ZNF385D: variants seen among roughly 807,000 people sequenced by gnomAD.
The protein encoded by ZNF385D is zinc finger protein 659.
In ZNF385D, 15 loss-of-function variants were observed where a neutral mutation model predicts 35.8. The ratio of observed to expected loss-of-function variants is 0.42; its 90% CI spans 0.28 to 0.64. The LOEUF is 0.64. ZNF385D is among the 30% of genes least tolerant of loss of function. The pLI is 0.23. For synonymous variants in ZNF385D, 212 were observed against 186.8 expected (o/e 1.13, Z -1.10); for missense variants, 474 against 494.6 (o/e 0.96, Z 0.39).
intron 2 of ZNF385D, among the ~76,000 whole-genome samples, chr3:22,245,719 T>C (rs1219760411): frequency 6.8e-6 from 1 of 146,124 alleles, no homozygotes; most frequent in Non-Finnish European, 1.5e-5. Context: ...GTTCAGCAAA[T>C]TGCTCTTTTT....
chr3:21,997,351 T>G (rs1170148674), intron 3 of ZNF385D, among the ~76,000 whole-genome samples: 2 of 151,952 alleles, frequency 1.3e-5, no homozygotes, highest in African/African-American at 4.8e-5. Context: ...GTCTGTCGTG[T>G]GGTGGGGGGA....
intron 2 of ZNF385D, among the ~76,000 whole-genome samples, chr3:22,209,333 G>A (rs1697366020): frequency 6.6e-6 from 1 of 151,842 alleles, no homozygotes; most frequent in African/African-American, 2.4e-5. Flanking sequence ...ACTTAATAGT[G>A]GAAAGTAATT....
chr3:22,217,450 T>C (rs1039850344), intron 2 of ZNF385D, among the ~76,000 whole-genome samples: 1 of 152,124 alleles, frequency 6.6e-6, no homozygotes, highest in African/African-American at 2.4e-5. Flanking sequence ...TACATTTTAA[T>C]ACAGAGGTGC....
chr3:21,744,556 G>C (rs1264697084), intron 1 of ZNF385D, among the ~76,000 whole-genome samples: 5 of 152,142 alleles, frequency 3.3e-5, no homozygotes. Flanking sequence ...CCAGCCTGCT[G>C]GCAAGGGAAT....
chr3:21,432,599 T>G (rs139107951), intron 5 of ZNF385D, among the ~76,000 whole-genome samples: 3 of 152,148 alleles, frequency 2.0e-5, no homozygotes, highest in South Asian at 4.1e-4. Context: ...GAATTTTTTT[T>G]TGTGGGGGGA....
At chr3:21,500,144 C>T (rs1163604696) in intron 4 of ZNF385D, among the ~76,000 whole-genome samples, 4 of 152,156 alleles carry the variant, frequency 2.6e-5, no homozygotes, top group African/African-American at 9.7e-5. Context: ...CTCTGAGCTA[C>T]ACTGGTTAAT....
intron 2 of ZNF385D, among the ~76,000 whole-genome samples, chr3:21,658,476 C>T (rs984871281): frequency 3.3e-5 from 5 of 151,954 alleles, no homozygotes; most frequent in African/African-American, 1.2e-4. Flanking sequence ...TGACACAATT[C>T]CATCAATTAC....
At chr3:21,690,150 AAATAT>A (rs777484547) in intron 1 of ZNF385D, among the ~76,000 whole-genome samples, 15 of 152,310 alleles carry the variant, frequency 9.8e-5, no homozygotes, top group Admixed American at 5.2e-4. Flanking sequence ...CTCACTAAAT[AAATAT>A]AATTTTAATA....
At chr3:21,778,714 T>C (rs9871253) in intron 3 of ZNF385D, among the ~76,000 whole-genome samples, 39,565 of 151,752 alleles carry the variant, frequency 0.26, 5,602 homozygotes, top group East Asian at 0.39. Flanking sequence ...ATTAAAATAA[T>C]TTAAAAAATC....
chr3:22,009,486 G>T (rs906156164), intron 3 of ZNF385D, among the ~76,000 whole-genome samples: 1 of 151,786 alleles, frequency 6.6e-6, no homozygotes, highest in Non-Finnish European at 1.5e-5. Context: ...AGCCGGGCGT[G>T]GTGTCGGGTG....
At chr3:21,496,393 C>CAT (rs778554274) in intron 4 of ZNF385D, among the ~76,000 whole-genome samples, 1 of 143,430 alleles carries the variant, frequency 7.0e-6, no homozygotes, top group South Asian at 2.1e-4. Context: ...ATATATATAT[C>CAT]ATATATACAC....
At chr3:21,855,216 A>G (rs1696640893) in intron 3 of ZNF385D, among the ~76,000 whole-genome samples, 1 of 152,028 alleles carries the variant, frequency 6.6e-6, no homozygotes, top group South Asian at 2.1e-4. Context: ...TAGTCCTTGC[A>G]TACTGTCTCA....
intron 3 of ZNF385D, among the ~76,000 whole-genome samples, chr3:21,976,278 G>C (rs1703618790): frequency 6.6e-6 from 1 of 151,846 alleles, no homozygotes; most frequent in Admixed American, 6.6e-5. Context: ...AGGACCAGAA[G>C]AAAAAATAGA....
intron 2 of ZNF385D, among the ~76,000 whole-genome samples, chr3:21,602,882 C>T (rs1302616927): frequency 1.3e-5 from 2 of 152,066 alleles, no homozygotes; most frequent in Non-Finnish European, 2.9e-5. Context: ...ATGCAGGAAC[C>T]ACTAAAATGA....
chr3:21,914,034 G>T (rs1700084627), intron 3 of ZNF385D, among the ~76,000 whole-genome samples: 1 of 151,984 alleles, frequency 6.6e-6, no homozygotes, highest in Non-Finnish European at 1.5e-5. Context: ...CAGCTGTTAG[G>T]CATTTAGTTA....
chr3:21,941,309 A>G (rs1332822178), intron 3 of ZNF385D, among the ~76,000 whole-genome samples: 2 of 149,068 alleles, frequency 1.3e-5, no homozygotes, highest in African/African-American at 2.4e-5. Context: ...ACATTCTCTG[A>G]CAAAAATATT....
At chr3:21,745,645 T>C (rs947854818) in intron 1 of ZNF385D, among the ~76,000 whole-genome samples, 1 of 152,178 alleles carries the variant, frequency 6.6e-6, no homozygotes, top group Non-Finnish European at 1.5e-5. Context: ...TTTTGGGAAA[T>C]GATATGTAAT....
intron 3 of ZNF385D, among the ~76,000 whole-genome samples, chr3:22,082,138 G>C (rs749221617): frequency 1.3e-5 from 2 of 152,108 alleles, no homozygotes; most frequent in Non-Finnish European, 2.9e-5. Context: ...AGTGATTGAC[G>C]CAGCAGATGG....
At chr3:22,367,328 T>C (rs1245737050) in intron 2 of ZNF385D, among the ~76,000 whole-genome samples, 1 of 152,144 alleles carries the variant, frequency 6.6e-6, no homozygotes, top group Non-Finnish European at 1.5e-5. Flanking sequence ...AGGATTCAAA[T>C]CCAGCCCGTC....
Sources: gnomAD v4.1 joint callset for allele counts (sites outside exome capture counted in the v4.1 genomes callset) on GRCh38, gnomAD v4.1.1 for gene constraint, MANE v1.5 for transcripts, NCBI Gene and HGNC (gene_info 2026-07-23, HGNC 2026-07-21) for gene names.